The following USP34 variants were observed in gnomAD, a reference collection of about 807,000 sequenced individuals.
The protein encoded by USP34 is ubiquitin carboxyl-terminal hydrolase 34.
In USP34, 70 loss-of-function variants were observed where a neutral mutation model predicts 460.3. The ratio of observed to expected loss-of-function variants is 0.15; its 90% CI spans 0.13 to 0.19. The LOEUF (loss-of-function observed/expected upper bound fraction) is 0.19, where lower values mean the gene tolerates loss of function less well. Among genes scored for constraint, USP34 ranks in the 10% least tolerant of loss-of-function variants. The probability of loss-of-function intolerance (pLI) is 1.00; values close to 1 mark genes in which losing one functional copy is unlikely to be tolerated. For missense variants in USP34, 3,985 were observed against 4,236.2 expected, an observed-to-expected ratio of 0.94 and a Z score of 1.65; for synonymous variants, 1,647 against 1,405.3, an observed-to-expected ratio of 1.17 and a Z score of -3.85.
chr2:61,318,583 C>T (rs1355121299), intron 22 of USP34, among the ~76,000 whole-genome samples: 3 of 152,164 alleles, frequency 2.0e-5, no homozygotes, highest in Non-Finnish European at 2.9e-5. Flanking sequence ...AGTCTTACTG[C>T]ATTATTTTCA....
intron 2 of USP34, among the ~76,000 whole-genome samples, chr2:61,419,747 C>T (rs572404201): frequency 1.3e-5 from 2 of 152,296 alleles, no homozygotes; most frequent in African/African-American, 4.8e-5. Flanking sequence ...TCAGACACAA[C>T]ATTTCTCAGC....
At chr2:61,213,783 C>T in intron 68 of USP34, among the ~76,000 whole-genome samples, 1 of 152,168 alleles carries the variant, frequency 6.6e-6, no homozygotes, top group South Asian at 2.1e-4. Context: ...ATTAGGCACA[C>T]ATGAAGAATA....
intron 1 of USP34, among the ~76,000 whole-genome samples, chr2:61,426,879 G>C (rs1463864367): frequency 1.3e-5 from 2 of 152,210 alleles, no homozygotes; most frequent in African/African-American, 4.8e-5. Flanking sequence ...GTGTTTGGGA[G>C]AAAGTAAGGA....
rs557061592 is a variant in USP34, at chr2:61,268,861, G to A, written c.5434-2694C>T. On this transcript the variant is annotated intron_variant, in intron 41 of 79. Transcript: ENST00000398571. ...TCCTTCTCACTAATGCATATATTCA[G>A]TAAAATTTCATTTTTAAATGTTTCA... 5.3e-5 allele frequency among the ~76,000 whole-genome samples: 8 copies of A among 152,100 alleles called. No homozygotes were observed. In the South Asian group the frequency reaches 1.5e-3, roughly 28 times the overall value.
intron 2 of USP34, among the ~76,000 whole-genome samples, chr2:61,411,400 A>G (rs1489425052): frequency 1.3e-5 from 2 of 152,022 alleles, no homozygotes; most frequent in Admixed American, 6.6e-5. Flanking sequence ...AAAAAGAAAA[A>G]AAAACTGAAA....
At chr2:61,462,903 C>T (rs1010171650) in intron 1 of USP34, among the ~76,000 whole-genome samples, 2 of 149,664 alleles carry the variant, frequency 1.3e-5, no homozygotes, top group Admixed American at 6.7e-5. Flanking sequence ...CTGGTATACA[C>T]ACCTATAGTC....
At position 61,278,218 on chromosome 2, in the gene USP34, C is replaced by T. The variant is rs922157080; in HGVS notation, c.5380G>A (p.Ala1794Thr). The change falls in exon 41 of 80, where the codon GCA becomes ACA. Residue 1794 changes from alanine (A) to threonine (T), a missense_variant. Around this residue, in one of 14 missense-constraint regions of USP34, gnomAD observed 1,114 missense variants for 1,122.5 expected, o/e 0.99. Coordinates refer to ENST00000398571, the MANE Select transcript of USP34 (RefSeq NM_014709.4). ...DDGLTGLLRL[A>T]TSVVKHKPPF... ...GGTTTGTGTTTAACAACACTTGTTG[C>T]AAGCCTTAGGAGTCCTGTAAGCCCA... is the stretch of plus-strand genomic sequence containing the variant. 11 of 1,613,548 alleles carry T rather than the reference C, an allele frequency of 6.8e-6. No homozygotes were observed. The highest frequency in any genetic ancestry group is 4.5e-5 in the East Asian group (2 of 44,888).
chr2:61,227,043 C>A (rs780233557), intron 62 of USP34, 24 bp downstream of exon 62: 1 of 1,573,626 alleles, frequency 6.4e-7, no homozygotes, highest in Non-Finnish European at 8.6e-7. Context: ...ATGCTTTAAA[C>A]ATTTTAAATT....
intron 78 of USP34, 139 bp downstream of exon 78, chr2:61,190,132 A>T (rs1285569487): frequency 8.2e-7 from 1 of 1,212,512 alleles, no homozygotes; most frequent in Non-Finnish European, 1.1e-6. Flanking sequence ...CGTGTATTTA[A>T]AACTTGTTTT....
At chr2:61,412,777 T>A (rs1260033899) in intron 2 of USP34, among the ~76,000 whole-genome samples, 1 of 149,728 alleles carries the variant, frequency 6.7e-6, no homozygotes. Flanking sequence ...TGGTCCCAGC[T>A]ACTTGGGAGG....
intron 21 of USP34, among the ~76,000 whole-genome samples, chr2:61,321,355 C>T (rs1295457985): frequency 6.6e-6 from 1 of 152,000 alleles, no homozygotes; most frequent in Admixed American, 6.6e-5. Flanking sequence ...CCTGTAGTCC[C>T]AGCTGCTCGG....
chr2:61,403,629 A>C (rs941200875), intron 3 of USP34, among the ~76,000 whole-genome samples: 1 of 152,134 alleles, frequency 6.6e-6, no homozygotes, highest in Admixed American at 6.6e-5. Flanking sequence ...TAGAAAACAG[A>C]GCACAATCTG....
intron 62 of USP34, among the ~76,000 whole-genome samples, chr2:61,224,843 G>A (rs370098362): frequency 1.3e-5 from 2 of 152,260 alleles, no homozygotes; most frequent in African/African-American, 4.8e-5. Flanking sequence ...AGAAACCTCC[G>A]TAAGTTGGCT....
rs544619459 is a variant in USP34 at position 61,435,883 on chromosome 2, C to A, written c.44-15050G>T. ...ATCTCTACTAAAATACAAAAATGAG[C>A]CGGGCATGGTGGAGTGCGCCTGTAA... On this transcript the variant is annotated intron_variant, in intron 1 of 79. Coordinates refer to ENST00000398571, the MANE Select transcript of USP34 (RefSeq NM_014709.4). Among the ~76,000 whole-genome samples, 6 of 152,056 alleles carry A rather than the reference C, an allele frequency of 3.9e-5. No individual in the cohort carries two copies. The East Asian group carries it at 1.2e-3, about 29-fold the overall frequency.
rs57231258 is a variant in USP34 at position 61,229,457 on chromosome 2, TAAAAAAAAAA to T, written c.7199+81_7199+90del. 26 of 382,200 alleles carry T rather than the reference TAAAAAAAAAA, an allele frequency of 6.8e-5. No homozygotes were observed. The African/African-American group carries it at 9.1e-4, about 13-fold the overall frequency. The allele number at this position is 382,200 out of a possible 1,614,324, so 23.7% of individuals were successfully genotyped here. On this transcript the variant is annotated intron_variant, in intron 59 of 79. Transcript: ENST00000398571. ...GGCAACATGAAGAAACCCTATCTCT[TAAAAAAAAAA>T]AAAAAAAACAAAAAAAAAAAACAAA...
chr2:61,402,087 T>A (rs1024659245), intron 3 of USP34, among the ~76,000 whole-genome samples: 1 of 151,456 alleles, frequency 6.6e-6, no homozygotes, highest in Non-Finnish European at 1.5e-5. Context: ...TAAACACAGA[T>A]AAACCCCATC....
intron 1 of USP34, among the ~76,000 whole-genome samples, chr2:61,437,542 G>C (rs1038929978): frequency 6.6e-6 from 1 of 152,034 alleles, no homozygotes; most frequent in African/African-American, 2.4e-5. Flanking sequence ...GGCAGGCTGA[G>C]GTAGGCAGAT....
chr2:61,355,548 AATGTAATCTCC>A (rs1692076938), intron 10 of USP34, among the ~76,000 whole-genome samples: 1 of 152,184 alleles, frequency 6.6e-6, no homozygotes, highest in South Asian at 2.1e-4. Context: ...TAGGAAGTTA[AATGTAATCTCC>A]ATGTTAAATA....
At chr2:61,435,221 C>T (rs1041226160) in intron 1 of USP34, among the ~76,000 whole-genome samples, 1 of 146,344 alleles carries the variant, frequency 6.8e-6, no homozygotes, top group African/African-American at 2.5e-5. Flanking sequence ...GGAGAATCAC[C>T]TGAGTCCAGG....
Sources: gnomAD v4.1 joint callset for allele counts (sites outside exome capture counted in the v4.1 genomes callset) on GRCh38, gnomAD v4.1.1 for gene constraint, gnomAD v4.1.1 regional missense constraint, MANE v1.5 for transcripts, NCBI Gene and HGNC (gene_info 2026-07-23, HGNC 2026-07-21) for gene names.